Variants in SLC10A7 observed in about 807,000 individuals in gnomAD.
The protein encoded by SLC10A7 is sodium/bile acid cotransporter 7.
SLC10A7 carries 29 observed loss-of-function variants against 43.2 expected under a neutral mutation model. The observed-to-expected ratio is 0.67, with a 90% CI of 0.50 to 0.92. The LOEUF is 0.92. Among genes scored for constraint, SLC10A7 ranks in the 40% least tolerant of loss-of-function variants. The pLI, the probability that SLC10A7 is intolerant of heterozygous loss-of-function variation, is 0.00. For synonymous variants in SLC10A7, 152 were observed against 144.8 expected, an observed-to-expected ratio of 1.05 and a Z score of -0.35; for missense variants, 295 against 403.2, an observed-to-expected ratio of 0.73 and a Z score of 2.30.
chr4:146,346,644 C>T (rs1474336558), intron 5 of SLC10A7, among the ~76,000 whole-genome samples: 1 of 151,992 alleles, frequency 6.6e-6, no homozygotes, highest in African/African-American at 2.4e-5. Flanking sequence ...TTAAGTTGGT[C>T]ATTTGAAATT....
chr4:146,504,263 T>C (rs1736688650), intron 3 of SLC10A7, among the ~76,000 whole-genome samples: 1 of 151,976 alleles, frequency 6.6e-6, no homozygotes, highest in African/African-American at 2.4e-5. Flanking sequence ...CTCACGCCTG[T>C]AATCCCAGCA....
intron 5 of SLC10A7, among the ~76,000 whole-genome samples, chr4:146,432,980 G>A (rs1271553869): frequency 6.6e-6 from 1 of 151,244 alleles, no homozygotes; most frequent in Non-Finnish European, 1.5e-5. Context: ...GGAGCTTGCA[G>A]TGAGCCGAGA....
intron 4 of SLC10A7, among the ~76,000 whole-genome samples, chr4:146,502,104 G>C (rs1359734161): frequency 6.6e-6 from 1 of 152,116 alleles, no homozygotes; most frequent in African/African-American, 2.4e-5. Flanking sequence ...AGAGCTAATA[G>C]ACATTTCACT....
intron 10 of SLC10A7, among the ~76,000 whole-genome samples, chr4:146,265,577 G>T (rs2111017494): frequency 6.6e-6 from 1 of 152,106 alleles, no homozygotes; most frequent in Admixed American, 6.5e-5. Flanking sequence ...TTTTGTGTAG[G>T]TTTTGATTTT....
At chr4:146,331,523 G>C (rs1230718545) in intron 5 of SLC10A7, among the ~76,000 whole-genome samples, 1 of 152,006 alleles carries the variant, frequency 6.6e-6, no homozygotes, top group East Asian at 1.9e-4. Context: ...TTTTCTAATG[G>C]CCTGGGTAAC....
intron 6 of SLC10A7, among the ~76,000 whole-genome samples, chr4:146,307,993 C>T (rs979763289): frequency 3.3e-5 from 5 of 152,114 alleles, no homozygotes; most frequent in Admixed American, 2.6e-4. Context: ...GTTTGGAAAC[C>T]GCGTGTTCTT....
chr4:146,464,055 G>A (rs1419058554), intron 4 of SLC10A7, among the ~76,000 whole-genome samples: 4 of 151,378 alleles, frequency 2.6e-5, no homozygotes, highest in African/African-American at 9.7e-5. Flanking sequence ...GAATTCCTGG[G>A]CTCAAGCAGT....
intron 9 of SLC10A7, among the ~76,000 whole-genome samples, chr4:146,289,969 C>A: frequency 6.7e-6 from 1 of 148,820 alleles, no homozygotes; most frequent in African/African-American, 2.4e-5. Context: ...CCACCTTGGC[C>A]TCCCAAAGTG....
chr4:146,487,153 G>A (rs1184594533), intron 4 of SLC10A7, among the ~76,000 whole-genome samples: 1 of 152,116 alleles, frequency 6.6e-6, no homozygotes, highest in East Asian at 1.9e-4. Flanking sequence ...CCACACAGGA[G>A]AGGCTTTTCA....
chr4:146,447,404 C>T (rs1731187829), intron 4 of SLC10A7, among the ~76,000 whole-genome samples: 1 of 152,214 alleles, frequency 6.6e-6, no homozygotes, highest in South Asian at 2.1e-4. Context: ...TCACCATACC[C>T]AGCTTGATTT....
chr4:146,341,799 A>G (rs1387266878), intron 5 of SLC10A7, among the ~76,000 whole-genome samples: 1 of 151,852 alleles, frequency 6.6e-6, no homozygotes, highest in Non-Finnish European at 1.5e-5. Context: ...CTAGTTTTTT[A>G]TTTAAAAATT....
intron 5 of SLC10A7, among the ~76,000 whole-genome samples, chr4:146,407,163 T>C (rs942062889): frequency 6.6e-6 from 1 of 152,200 alleles, no homozygotes; most frequent in Admixed American, 6.5e-5. Context: ...AGGCTGAAAG[T>C]ATACCTGAGA....
At chr4:146,512,545 T>C (rs1469368065) in intron 2 of SLC10A7, among the ~76,000 whole-genome samples, 1 of 152,168 alleles carries the variant, frequency 6.6e-6, no homozygotes, top group Non-Finnish European at 1.5e-5. Flanking sequence ...TATGAGCTAT[T>C]AAATACCTTG....
At chr4:146,326,481 G>A (rs1313803505) in intron 5 of SLC10A7, among the ~76,000 whole-genome samples, 1 of 152,158 alleles carries the variant, frequency 6.6e-6, no homozygotes, top group African/African-American at 2.4e-5. Context: ...AAATGAGCTG[G>A]GATCTCAAAA....
At chr4:146,275,115 T>A (rs768303785) in intron 10 of SLC10A7, among the ~76,000 whole-genome samples, 1 of 152,198 alleles carries the variant, frequency 6.6e-6, no homozygotes, top group East Asian at 1.9e-4. Context: ...ATATGTTACA[T>A]GTGTCGGACA....
chr4:146,287,151 C>G (rs112986747), intron 9 of SLC10A7, among the ~76,000 whole-genome samples: 1 of 117,624 alleles, frequency 8.5e-6, no homozygotes, highest in African/African-American at 3.3e-5. Context: ...TGAGAAGGAC[C>G]GTGTCTGGAG....
intron 4 of SLC10A7, among the ~76,000 whole-genome samples, chr4:146,480,888 C>T (rs1734413952): frequency 6.6e-6 from 1 of 151,900 alleles, no homozygotes. Flanking sequence ...TGCATATTTA[C>T]CAAAATAGCT....
Position 146,415,548 on chromosome 4 carries a change from G to T in SLC10A7, c.435+27235C>A, listed in dbSNP as rs1728502740. 6.6e-5 allele frequency among the ~76,000 whole-genome samples: 10 copies of T among 152,264 alleles called. No homozygotes were observed. The South Asian group carries it at 2.1e-3, about 31-fold the overall frequency. Reference sequence around the variant, plus strand: ...CAATAAAGGGATACAAACACAGGCAGTCTGACTCCAGAACCAGTCTCATTG... The same window carrying T: ...CAATAAAGGGATACAAACACAGGCATTCTGACTCCAGAACCAGTCTCATTG... On this transcript the variant is annotated intron_variant, in intron 5 of 11. Coordinates refer to ENST00000335472, the MANE Select transcript of SLC10A7 (RefSeq NM_001029998.6).
chr4:146,294,249 CTCT>C (rs1198029709), intron 7 of SLC10A7, among the ~76,000 whole-genome samples, 154 bp from the exon 8 acceptor site: 1 of 152,200 alleles, frequency 6.6e-6, no homozygotes, highest in African/African-American at 2.4e-5. Context: ...TGCCACACTA[CTCT>C]TCTTCTGGGG....
Sources: gnomAD v4.1 joint callset for allele counts (sites outside exome capture counted in the v4.1 genomes callset) on GRCh38, gnomAD v4.1.1 for gene constraint, MANE v1.5 for transcripts, NCBI Gene and HGNC (gene_info 2026-07-23, HGNC 2026-07-21) for gene names.